The following CATSPERE variants were observed in gnomAD, a reference collection of about 807,000 sequenced individuals.
The protein encoded by CATSPERE is cation channel sperm-associated auxiliary subunit epsilon.
Under a neutral mutation model 114.1 loss-of-function variants are expected in CATSPERE, and 93 were observed. The observed-to-expected ratio is 0.81, with a 90% confidence interval of 0.69 to 0.97. The LOEUF (loss-of-function observed/expected upper bound fraction) is 0.97, where lower values mean the gene tolerates loss of function less well. Ranked by LOEUF, CATSPERE falls within the 50% of genes least tolerant of loss-of-function variation. The pLI, the probability that CATSPERE is intolerant of heterozygous loss-of-function variation, is 0.00. For synonymous variants in CATSPERE, 341 were observed against 384.1 expected, an observed-to-expected ratio of 0.89 and a Z score of 1.31; for missense variants, 1,058 against 1,131.6, an observed-to-expected ratio of 0.93 and a Z score of 0.93.
intron 2 of CATSPERE, among the ~76,000 whole-genome samples, chr1:244,475,830 C>T (rs1054075511): frequency 1.4e-4 from 21 of 152,072 alleles, no homozygotes; most frequent in African/African-American, 3.6e-4. Context: ...CCACCACACC[C>T]GGCCATACCA....
In CATSPERE at chr1:244,637,384, A is replaced by C. The variant is rs141453173; in HGVS notation, c.2702+1842A>C. Among the ~76,000 whole-genome samples, 14 of 152,100 alleles carry C rather than the reference A, an allele frequency of 9.2e-5. No homozygotes were observed. The East Asian group carries it at 1.4e-3, about 15-fold the overall frequency. On this transcript the variant is annotated intron_variant, in intron 21 of 21. Transcript: ENST00000366534. ...ATCCAGCATCCAAAATCGTGGCCTT[A>C]CCACATCCTTGGTGACCTCCCTCTA...
chr1:244,524,888 GTGGGAC>G (rs1462866275), intron 8 of CATSPERE, among the ~76,000 whole-genome samples: 1 of 146,930 alleles, frequency 6.8e-6, no homozygotes, highest in African/African-American at 2.7e-5. Flanking sequence ...TACACTGTTG[GTGGGAC>G]TGTAAACTAG....
intron 1 of CATSPERE, among the ~76,000 whole-genome samples, chr1:244,463,133 C>T (rs116170806): frequency 0.012 from 1,781 of 152,178 alleles, 42 homozygotes; most frequent in African/African-American, 0.041. Context: ...ATACTGATTA[C>T]ATGTTGAATA....
At chr1:244,457,705 T>A (rs1447562427), upstream of CATSPERE, 1 of 152,216 alleles carries the variant, frequency 6.6e-6, no homozygotes, top group Non-Finnish European at 1.5e-5. Context: ...CCTTTGATAT[T>A]TGACAGACTT....
rs1280016309 is a variant in CATSPERE, at chr1:244,568,523, T to C, written c.1508-3807T>C. 6.6e-6 allele frequency among the ~76,000 whole-genome samples: 1 copy of C among 152,222 alleles called. No individual in the cohort carries two copies. Among genetic ancestry groups the C allele is most frequent in the Non-Finnish European group, 1.5e-5 (1 of 68,032 alleles). On this transcript the variant is annotated intron_variant, in intron 10 of 21. Coordinates refer to ENST00000366534, the MANE Select transcript of CATSPERE (RefSeq NM_001130957.2). This position sits in a 1 kb window ranked among gnomAD's most constrained non-coding sequence, Gnocchi z 4.4. ...CCCCTGAGTGGGGCTGCTGCCTTTC[T>C]TTCAGAGATGCGCTGCCCAGAGAGG...
intron 9 of CATSPERE, among the ~76,000 whole-genome samples, chr1:244,554,100 C>T (rs1414396212): frequency 6.6e-6 from 1 of 152,136 alleles, no homozygotes; most frequent in African/African-American, 2.4e-5. Flanking sequence ...GATTCCATGT[C>T]TTTGCTATTG....
intron 9 of CATSPERE, among the ~76,000 whole-genome samples, chr1:244,553,614 C>CACACACACACACACATATATACAT (rs1558484747): frequency 6.3e-4 from 84 of 132,654 alleles, no homozygotes; most frequent in African/African-American, 2.7e-3. Context: ...CACACACACA[C>CACACACACACACACATATATACAT]ACACACACAC....
At chr1:244,528,875 A>C (rs948467715) in intron 8 of CATSPERE, among the ~76,000 whole-genome samples, 2 of 150,658 alleles carry the variant, frequency 1.3e-5, no homozygotes, top group African/African-American at 4.9e-5. Context: ...TCTATGTCCA[A>C]GAGTTCAATT....
At position 244,489,771 on chromosome 1, in the gene CATSPERE, C is replaced by T. The variant is rs539573426; in HGVS notation, c.327-676C>T. Reference sequence around the variant, plus strand: ...AGGGAGAAAACTTTAACTGCCATCTCCACTTTACGCCTGAGTTGCTTTAAG... The same window carrying T: ...AGGGAGAAAACTTTAACTGCCATCTTCACTTTACGCCTGAGTTGCTTTAAG... On this transcript the variant is annotated intron_variant, in intron 5 of 21. Transcript: ENST00000366534. Among the ~76,000 whole-genome samples the T allele has an allele frequency of 3.9e-5, 6 of 152,072 alleles. No individual in the cohort carries two copies. The East Asian group carries it at 7.7e-4, about 20-fold the overall frequency.
Position 244,575,041 on chromosome 1 carries a change from C to G in CATSPERE, c.1950+2269C>G, listed in dbSNP as rs887964114. On this transcript the variant is annotated intron_variant, in intron 11 of 21. Coordinates refer to ENST00000366534, the MANE Select transcript of CATSPERE (RefSeq NM_001130957.2). The surrounding 1 kb of genome is among the most constrained non-coding windows in gnomAD (Gnocchi z 4.5). ...ATTCTCTCCCTCTATCTCTCTCTCT[C>G]ATTTGCGCTGTCTCCCTCCTGAGTT... 6.6e-6 allele frequency among the ~76,000 whole-genome samples: 1 copy of G among 152,186 alleles called. No homozygotes were observed. The highest frequency in any genetic ancestry group is 1.5e-5 in the Non-Finnish European group (1 of 68,024).
Position 244,504,042 on chromosome 1 carries a change from C to T in CATSPERE, c.429+4963C>T, listed in dbSNP as rs1216399692. ...TTTTTTTCTAAAGTTTTATTTTTGA[C>T]TCTGTGTATAAGCATGTTTCTTTTT... On this transcript the variant is annotated intron_variant, in intron 7 of 21. Transcript: ENST00000366534. The surrounding 1 kb of genome is among the most constrained non-coding windows in gnomAD (Gnocchi z 4.1). Among the ~76,000 whole-genome samples the T allele has an allele frequency of 6.6e-6, 1 of 151,948 alleles. No homozygotes were observed. Among genetic ancestry groups the T allele is most frequent in the Non-Finnish European group, 1.5e-5 (1 of 67,988 alleles).
In CATSPERE at chr1:244,597,182, C is replaced by A. The variant is rs79576445; in HGVS notation, c.2303+3604C>A. Among the ~76,000 whole-genome samples, 122 of 152,296 alleles carry A rather than the reference C, an allele frequency of 8.0e-4. 1 individual carries two copies. In the East Asian group the frequency reaches 0.023, roughly 29 times the overall value. On this transcript the variant is annotated intron_variant, in intron 17 of 21. Coordinates refer to ENST00000366534, the MANE Select transcript of CATSPERE (RefSeq NM_001130957.2). The stretch of plus-strand genomic sequence containing the variant: ...AAAAACCAAAGCAAAACAAAATTAA[C>A]AAACACAATCACAGAAAAACCCTCT...
rs1246240593 is a variant in CATSPERE at position 244,504,967 on chromosome 1, C to T, written c.429+5888C>T. Among the ~76,000 whole-genome samples the T allele has an allele frequency of 2.6e-5, 4 of 152,128 alleles. No homozygotes were observed. On this transcript the variant is annotated intron_variant, in intron 7 of 21. Coordinates refer to ENST00000366534, the MANE Select transcript of CATSPERE (RefSeq NM_001130957.2). The surrounding 1 kb of genome is among the most constrained non-coding windows in gnomAD (Gnocchi z 4.1). ...TTTGGAATTCTTATTTTATGGCAAACTTGTCTTATCCCTGATTTATTTATT... is the reference window on the plus strand; with the variant it reads ...TTTGGAATTCTTATTTTATGGCAAATTTGTCTTATCCCTGATTTATTTATT...
chr1:244,602,196 AC>A (rs2148669196), intron 17 of CATSPERE, among the ~76,000 whole-genome samples: 1 of 152,266 alleles, frequency 6.6e-6, no homozygotes, highest in East Asian at 1.9e-4. Context: ...ACTTGATAAA[AC>A]CTTTTACTTC....
intron 21 of CATSPERE, among the ~76,000 whole-genome samples, chr1:244,637,122 C>T (rs1364711274): frequency 6.6e-6 from 1 of 152,100 alleles, no homozygotes; most frequent in Non-Finnish European, 1.5e-5. Flanking sequence ...TGCCATGTAC[C>T]TCAGGGGGCC....
At chr1:244,459,969 G>T (rs984659690), upstream of CATSPERE, among the ~76,000 whole-genome samples, 1 of 152,096 alleles carries the variant, frequency 6.6e-6, no homozygotes, top group Non-Finnish European at 1.5e-5. Context: ...AGCTATCAAC[G>T]GCCTTCTCCC....
Position 244,568,284 on chromosome 1 carries a change from T to C in CATSPERE, c.1508-4046T>C, listed in dbSNP as rs552821487. On this transcript the variant is annotated intron_variant, in intron 10 of 21. Coordinates refer to ENST00000366534, the MANE Select transcript of CATSPERE (RefSeq NM_001130957.2). The surrounding 1 kb of genome is among the most constrained non-coding windows in gnomAD (Gnocchi z 4.4). ...TCTGTATGAGGTGTCTGTCAACCCC[T>C]GCTAGGAGGTGTCTTCCAGTCAGGA... Among the ~76,000 whole-genome samples the C allele has an allele frequency of 9.3e-4, 142 of 152,262 alleles. No homozygotes were observed. The highest frequency in any genetic ancestry group is 3.3e-3 in the African/African-American group (138 of 41,548).
intron 10 of CATSPERE, among the ~76,000 whole-genome samples, chr1:244,561,697 G>A (rs1331294852): frequency 1.4e-5 from 2 of 142,466 alleles, no homozygotes; most frequent in Non-Finnish European, 3.0e-5. Context: ...ATACATTGGG[G>A]ATAGATTTTA....
chr1:244,547,931 AG>A (rs1054864055), intron 8 of CATSPERE, among the ~76,000 whole-genome samples: 1 of 152,236 alleles, frequency 6.6e-6, no homozygotes, highest in African/African-American at 2.4e-5. Context: ...ATAAACTGAA[AG>A]TAAAGGGATG....
Sources: allele counts gnomAD v4.1 joint callset (sites outside exome capture counted in the v4.1 genomes callset), GRCh38; gene constraint gnomAD v4.1.1; non-coding constraint Gnocchi (gnomAD v3.1); transcripts MANE v1.5; gene names NCBI Gene and HGNC (gene_info 2026-07-23, HGNC 2026-07-21).